SYNPO: variants seen among roughly 807,000 people sequenced by gnomAD.
SYNPO encodes the protein synaptopodin.
In SYNPO, 19 loss-of-function variants were observed where a neutral mutation model predicts 49.5. The ratio of observed to expected loss-of-function variants is 0.38; its 90% CI spans 0.27 to 0.56. The LOEUF is 0.56. SYNPO is among the 20% of genes least tolerant of loss of function. The pLI, the probability that SYNPO is intolerant of heterozygous loss-of-function variation, is 0.68. For missense variants in SYNPO, 1,131 were observed against 1,248.3 expected (o/e 0.91, Z 1.42); for synonymous variants, 536 against 548.0 (o/e 0.98, Z 0.31).
At chr5:150,641,131 G>A (rs1245424393) in intron 1 of SYNPO, among the ~76,000 whole-genome samples, 1 of 152,208 alleles carries the variant, frequency 6.6e-6, no homozygotes, top group Admixed American at 6.5e-5. Context: ...CAGTCAGATT[G>A]CGCTCGCCAT....
chr5:150,592,437 G>T, the SYNPO span, among the ~76,000 whole-genome samples: 5 of 152,104 alleles, frequency 3.3e-5, no homozygotes, highest in African/African-American at 1.2e-4. Context: ...AGTGATATTG[G>T]ATAGTTCCAT....
upstream of SYNPO, among the ~76,000 whole-genome samples, chr5:150,600,597 T>TG (rs953592062): frequency 1.3e-5 from 2 of 152,022 alleles, no homozygotes; most frequent in Non-Finnish European, 2.9e-5. Context: ...GGGATCTGGC[T>TG]GGGGGGTTAA....
chr5:150,594,755 A>G, the SYNPO span, among the ~76,000 whole-genome samples: 2 of 152,176 alleles, frequency 1.3e-5, no homozygotes, highest in East Asian at 3.8e-4. Flanking sequence ...CGTGGTGAAC[A>G]TTATCCCCAG....
At chr5:150,616,834 C>A (rs536921072) in intron 1 of SYNPO, among the ~76,000 whole-genome samples, 5 of 152,158 alleles carry the variant, frequency 3.3e-5, no homozygotes, top group Admixed American at 3.3e-4. Context: ...CCATCTACCC[C>A]CTCCTCACCA....
At position 150,640,729 on chromosome 5, in the gene SYNPO, T is replaced by C. The variant is rs976952385; in HGVS notation, c.-458T>C. 3 of 985,428 alleles carry C rather than the reference T, an allele frequency of 3.0e-6. No individual in the cohort carries two copies. The highest frequency in any genetic ancestry group is 3.6e-6 in the Non-Finnish European group (3 of 829,946). 61.0% of individuals were successfully genotyped at this position (985,428 alleles called of 1,614,324 possible). On this transcript the variant is annotated 5_prime_UTR_variant, in exon 1 of 3. An upstream start codon of the reference 5' UTR is lost. Coordinates refer to ENST00000307662, the MANE Select transcript of SYNPO (RefSeq NM_007286.6). ...TCCAGCTCCTTCATGTTGCTGCCGA[T>C]GTGGGATTTTCCTGGCTTCGTCAGC...
At chr5:150,631,830 G>A (rs1186046667) in intron 2 of SYNPO, among the ~76,000 whole-genome samples, 2 of 152,212 alleles carry the variant, frequency 1.3e-5, no homozygotes, top group Non-Finnish European at 2.9e-5. Flanking sequence ...TCAGATGCAA[G>A]CTGGTGAGAG....
At chr5:150,613,615 T>C (rs900768776) in intron 1 of SYNPO, among the ~76,000 whole-genome samples, 8 of 152,084 alleles carry the variant, frequency 5.3e-5, no homozygotes, top group African/African-American at 1.7e-4. Flanking sequence ...TCTAGGACAA[T>C]GGATCAGACT....
chr5:150,656,356 A>G (rs1291867953), intron 2 of SYNPO, 48 bp from the exon 3 acceptor site: 4 of 1,417,526 alleles, frequency 2.8e-6, no homozygotes, highest in Non-Finnish European at 3.8e-6. Flanking sequence ...CCCGGTGTGG[A>G]AGACCTCAGC....
chr5:150,641,239 A>G (rs1439481137), intron 1 of SYNPO, among the ~76,000 whole-genome samples: 1 of 152,158 alleles, frequency 6.6e-6, no homozygotes, highest in Non-Finnish European at 1.5e-5. Flanking sequence ...TAGCCAGGCC[A>G]TTACTCAGGC....
intron 2 of SYNPO, among the ~76,000 whole-genome samples, chr5:150,623,523 C>A (rs970947375): frequency 6.6e-6 from 1 of 152,008 alleles, no homozygotes; most frequent in Non-Finnish European, 1.5e-5. Context: ...CCACCCCTCA[C>A]TCTCCCAACC....
upstream of SYNPO, among the ~76,000 whole-genome samples, chr5:150,638,896 G>A (rs1013859959): frequency 3.9e-5 from 6 of 152,230 alleles, no homozygotes; most frequent in African/African-American, 1.4e-4. Context: ...GAGTGAAACA[G>A]CAGGAGGGGG....
At chr5:150,631,661 C>T (rs1052183914) in intron 2 of SYNPO, among the ~76,000 whole-genome samples, 4 of 152,090 alleles carry the variant, frequency 2.6e-5, no homozygotes, top group African/African-American at 9.7e-5. Flanking sequence ...TGGGTCTTTG[C>T]TCCTTTCCTT....
At chr5:150,645,601 C>A (rs904692428) in intron 1 of SYNPO, among the ~76,000 whole-genome samples, 1 of 152,178 alleles carries the variant, frequency 6.6e-6, no homozygotes, top group Non-Finnish European at 1.5e-5. Context: ...CCAGACTGAA[C>A]CCCGACCCAT....
chr5:150,650,491 C>T (rs956761452), intron 2 of SYNPO, 188 bp downstream of exon 2: 6 of 1,495,566 alleles, frequency 4.0e-6, no homozygotes, highest in Non-Finnish European at 5.4e-6. Context: ...TGACCTTGGG[C>T]GAGTCGCCTC....
chr5:150,630,595 T>G (rs1231800961), intron 2 of SYNPO, among the ~76,000 whole-genome samples: 1 of 152,156 alleles, frequency 6.6e-6, no homozygotes, highest in Non-Finnish European at 1.5e-5. Flanking sequence ...CCACCCAACC[T>G]GAGCCAGTTG....
the SYNPO span, among the ~76,000 whole-genome samples, chr5:150,588,895 C>G: frequency 2.0e-5 from 3 of 152,086 alleles, no homozygotes; most frequent in South Asian, 2.1e-4. Flanking sequence ...AATAAATTTT[C>G]CTTCCCCTCT....
chr5:150,594,144 G>A, the SYNPO span, among the ~76,000 whole-genome samples: 2 of 152,324 alleles, frequency 1.3e-5, no homozygotes, highest in African/African-American at 4.8e-5. Context: ...GGACAGAGGC[G>A]CTCTGTGGAA....
At chr5:150,586,027 G>T in the SYNPO span, among the ~76,000 whole-genome samples, 610 of 152,366 alleles carry the variant, frequency 4.0e-3, 2 homozygotes, top group Non-Finnish European at 6.1e-3. Flanking sequence ...CCAGGGGCCG[G>T]CACAAGTACC....
upstream of SYNPO, among the ~76,000 whole-genome samples, chr5:150,596,475 C>A (rs115004431): frequency 2.0e-5 from 3 of 152,268 alleles, no homozygotes; most frequent in Non-Finnish European, 4.4e-5. Flanking sequence ...AGGTACTTGG[C>A]GAGTTGACGG....
Sources: gnomAD v4.1 joint callset for allele counts (sites outside exome capture counted in the v4.1 genomes callset) on GRCh38, gnomAD v4.1.1 for gene constraint, MANE v1.5 for transcripts, NCBI Gene and HGNC (gene_info 2026-07-23, HGNC 2026-07-21) for gene names.